The following EXOC4 variants were observed in gnomAD, a reference collection of about 807,000 sequenced individuals.
EXOC4 encodes the protein SEC8-like 1.
In EXOC4, 71 loss-of-function variants were observed where a neutral mutation model predicts 107.2. That is an observed-to-expected ratio of 0.66 (90% CI 0.55 to 0.81). The LOEUF is 0.81. Ranked by LOEUF, EXOC4 falls within the 30% of genes least tolerant of loss-of-function variation. EXOC4 has a pLI of 0.00. For synonymous variants in EXOC4, 456 were observed against 441.2 expected (o/e 1.03, Z -0.42); for missense variants, 1,108 against 1,189.6 (o/e 0.93, Z 1.01).
intron 9 of EXOC4, among the ~76,000 whole-genome samples, chr7:133,604,288 G>A (rs1285590614): frequency 6.6e-6 from 1 of 152,140 alleles, no homozygotes; most frequent in African/African-American, 2.4e-5. Context: ...TGATAAAAGT[G>A]TAGTATAGTA....
intron 7 of EXOC4, among the ~76,000 whole-genome samples, chr7:133,458,158 A>G (rs1377108071): frequency 6.6e-6 from 1 of 152,166 alleles, no homozygotes; most frequent in Non-Finnish European, 1.5e-5. Flanking sequence ...CTACGCAGCT[A>G]TTCATCTCAT....
chr7:133,770,550 C>T (rs73724740), intron 10 of EXOC4, among the ~76,000 whole-genome samples: 31 of 152,020 alleles, frequency 2.0e-4, no homozygotes, highest in African/African-American at 7.2e-4. Context: ...TTGTATTCAG[C>T]AAGTGTGCTT....
At chr7:134,045,775 C>T (rs73156996) in intron 17 of EXOC4, among the ~76,000 whole-genome samples, 3 of 152,238 alleles carry the variant, frequency 2.0e-5, no homozygotes, top group Non-Finnish European at 4.4e-5. Flanking sequence ...AGTCACTCCT[C>T]ATTTCCCCCA....
chr7:133,474,362 C>T (rs1416046601), intron 7 of EXOC4, among the ~76,000 whole-genome samples: 3 of 152,136 alleles, frequency 2.0e-5, no homozygotes, highest in Non-Finnish European at 2.9e-5. Context: ...GTTGCCCAGG[C>T]TGGAGTGCAG....
intron 17 of EXOC4, among the ~76,000 whole-genome samples, chr7:134,057,817 C>T (rs1270503799): frequency 6.6e-6 from 1 of 152,104 alleles, no homozygotes; most frequent in Non-Finnish European, 1.5e-5. Context: ...AATGCCAGTG[C>T]TTTTATATAG....
intron 6 of EXOC4, among the ~76,000 whole-genome samples, chr7:133,372,062 T>C (rs1796388828): frequency 6.6e-6 from 1 of 152,240 alleles, no homozygotes; most frequent in African/African-American, 2.4e-5. Context: ...AAATCCTTTG[T>C]CCATTTTTAA....
intron 14 of EXOC4, among the ~76,000 whole-genome samples, chr7:133,979,295 AAGGT>A (rs1793916450): frequency 6.6e-6 from 1 of 152,072 alleles, no homozygotes; most frequent in Non-Finnish European, 1.5e-5. Context: ...CCACCAGGTA[AAGGT>A]AATCACACTT....
intron 10 of EXOC4, among the ~76,000 whole-genome samples, chr7:133,789,776 T>G (rs1203110905): frequency 6.6e-6 from 1 of 152,214 alleles, no homozygotes; most frequent in Non-Finnish European, 1.5e-5. Flanking sequence ...CTGTTCAATT[T>G]CAGTTTCTAA....
rs1563076062 is a variant in EXOC4 at position 133,971,398 on chromosome 7, AGAG to A, written c.2207-26093_2207-26091del. Among the ~76,000 whole-genome samples the A allele has an allele frequency of 2.8e-3, 366 of 132,836 alleles. 12 individuals carry two copies. Among genetic ancestry groups the A allele is most frequent in the East Asian group, 5.4e-3 (21 of 3,910 alleles). 87.1% of individuals were successfully genotyped at this position (132,836 alleles called of 152,430 possible). On this transcript the variant is annotated intron_variant, in intron 14 of 17. Coordinates refer to ENST00000253861, the MANE Select transcript of EXOC4 (RefSeq NM_021807.4). ...GAGAGAGAGAGAGAGAGAGAGAGAGAGAGAAAGAGAGAGAGAATATGTATTCTA... is the reference window on the plus strand; with the variant it reads ...GAGAGAGAGAGAGAGAGAGAGAGAGAAAAGAGAGAGAGAATATGTATTCTA...
chr7:133,283,012 T>G (rs1297710024), intron 2 of EXOC4, among the ~76,000 whole-genome samples: 1 of 152,254 alleles, frequency 6.6e-6, no homozygotes, highest in Admixed American at 6.5e-5. Context: ...ATTCTACATG[T>G]AAGGGAGATA....
At chr7:133,280,469 A>G (rs1372363125) in intron 2 of EXOC4, among the ~76,000 whole-genome samples, 1 of 152,224 alleles carries the variant, frequency 6.6e-6, no homozygotes, top group African/African-American at 2.4e-5. Flanking sequence ...AGATGACCTC[A>G]GATTTCTTTA....
chr7:133,284,056 G>A (rs545450945), intron 2 of EXOC4, among the ~76,000 whole-genome samples: 4 of 152,044 alleles, frequency 2.6e-5, no homozygotes, highest in Admixed American at 6.5e-5. Context: ...TTGTTACCTC[G>A]GTTTAGAGAA....
intron 17 of EXOC4, among the ~76,000 whole-genome samples, chr7:134,013,074 G>T (rs1200226885): frequency 1.3e-5 from 2 of 152,162 alleles, no homozygotes; most frequent in Non-Finnish European, 2.9e-5. Flanking sequence ...ATATATTTGG[G>T]AATAAGTTCC....
chr7:133,841,411 G>A (rs1211476907), intron 11 of EXOC4, among the ~76,000 whole-genome samples: 3 of 152,162 alleles, frequency 2.0e-5, no homozygotes, highest in Admixed American at 6.5e-5. Flanking sequence ...AGTCTACCAT[G>A]GTTCCCAGGT....
intron 11 of EXOC4, among the ~76,000 whole-genome samples, chr7:133,870,826 C>G (rs191984686): frequency 6.6e-6 from 1 of 152,156 alleles, no homozygotes; most frequent in Non-Finnish European, 1.5e-5. Flanking sequence ...AGTGGGTATT[C>G]GGTTTTTCAT....
chr7:133,934,176 T>A (rs995356944), intron 13 of EXOC4, among the ~76,000 whole-genome samples: 1 of 152,148 alleles, frequency 6.6e-6, no homozygotes, highest in African/African-American at 2.4e-5. Context: ...CATAATTTAA[T>A]AAATCAGAGG....
At chr7:133,957,216 T>C (rs1800839214) in intron 14 of EXOC4, among the ~76,000 whole-genome samples, 1 of 152,254 alleles carries the variant, frequency 6.6e-6, no homozygotes, top group South Asian at 2.1e-4. Context: ...TTCACAGTGA[T>C]TGTTTTTCAG....
At chr7:133,622,275 G>A (rs943061408) in intron 9 of EXOC4, among the ~76,000 whole-genome samples, 7 of 152,014 alleles carry the variant, frequency 4.6e-5, no homozygotes, top group Admixed American at 1.3e-4. Context: ...ACACCTGGCC[G>A]ATTTTTTTTC....
In EXOC4 at chr7:133,779,662, G is replaced by A. The variant is rs574122957; in HGVS notation, c.1515-37663G>A. Among the ~76,000 whole-genome samples the A allele has an allele frequency of 1.5e-4, 23 of 151,994 alleles. No homozygotes were observed. In the South Asian group the frequency reaches 2.3e-3, roughly 15 times the overall value. On this transcript the variant is annotated intron_variant, in intron 10 of 17. Coordinates refer to ENST00000253861, the MANE Select transcript of EXOC4 (RefSeq NM_021807.4). ...CAATCGGTGCTCTGTGGCTATCTAG[G>A]GGTTTGTAAAATGCACCAATCAGTG...
Sources: allele counts gnomAD v4.1 joint callset (sites outside exome capture counted in the v4.1 genomes callset), GRCh38; gene constraint gnomAD v4.1.1; transcripts MANE v1.5; gene names NCBI Gene and HGNC (gene_info 2026-07-23, HGNC 2026-07-21).